PRKCB: variants seen among roughly 807,000 people sequenced by gnomAD.
PRKCB encodes the protein protein kinase C beta type.
PRKCB carries 13 observed loss-of-function variants against 81.5 expected under a neutral mutation model. The ratio of observed to expected loss-of-function variants is 0.16; its 90% CI spans 0.10 to 0.25. The LOEUF (loss-of-function observed/expected upper bound fraction) is 0.25. Ranked by LOEUF, PRKCB falls within the 10% of genes least tolerant of loss-of-function variation. The probability of loss-of-function intolerance (pLI) is 1.00; values close to 1 mark genes in which losing one functional copy is unlikely to be tolerated. For synonymous variants in PRKCB, 335 were observed against 321.4 expected, an observed-to-expected ratio of 1.04 and a Z score of -0.45; for missense variants, 509 against 875.7, an observed-to-expected ratio of 0.58 and a Z score of 5.29.
chr16:23,919,607 TA>T, intron 2 of PRKCB, among the ~76,000 whole-genome samples: 1 of 152,332 alleles, frequency 6.6e-6, no homozygotes, highest in Admixed American at 6.5e-5. Flanking sequence ...AGAACTTCTT[TA>T]TCTTGCAAAA....
At chr16:23,959,804 G>A (rs190700403) in intron 2 of PRKCB, among the ~76,000 whole-genome samples, 5 of 152,278 alleles carry the variant, frequency 3.3e-5, no homozygotes, top group East Asian at 1.9e-4. Flanking sequence ...TGCAGGTGCT[G>A]GGCTAAGTGT....
At chr16:23,975,856 C>G (rs1407937105) in intron 2 of PRKCB, among the ~76,000 whole-genome samples, 1 of 150,482 alleles carries the variant, frequency 6.6e-6, no homozygotes, top group Non-Finnish European at 1.5e-5. Context: ...CCTTTGGTCA[C>G]AAGAGACAAA....
intron 2 of PRKCB, among the ~76,000 whole-genome samples, chr16:23,839,875 T>C (rs538791219): frequency 1.3e-5 from 2 of 152,282 alleles, no homozygotes; most frequent in East Asian, 1.9e-4. Flanking sequence ...CTTATGATTG[T>C]CCCCAGACTA....
intron 9 of PRKCB, among the ~76,000 whole-genome samples, chr16:24,137,855 A>G (rs544183437): frequency 6.6e-6 from 1 of 152,286 alleles, no homozygotes; most frequent in East Asian, 1.9e-4. Flanking sequence ...GATGGTACCT[A>G]TGATTATTCA....
chr16:23,837,157 G>A, intron 1 of PRKCB: 3 of 636,752 alleles, frequency 4.7e-6, no homozygotes, highest in South Asian at 1.7e-5. Context: ...CCTGGTGGTC[G>A]CAGCCTCCTC....
chr16:24,086,673 G>T (rs1171461654), intron 5 of PRKCB, among the ~76,000 whole-genome samples: 2 of 152,146 alleles, frequency 1.3e-5, no homozygotes, highest in East Asian at 1.9e-4. Context: ...ATTAATACAA[G>T]AATACATTCT....
At chr16:23,850,406 C>T (rs777780820) in intron 2 of PRKCB, among the ~76,000 whole-genome samples, 4 of 152,010 alleles carry the variant, frequency 2.6e-5, no homozygotes, top group Non-Finnish European at 5.9e-5. Flanking sequence ...GCTCTTGTTG[C>T]CCAGGCTGGA....
chr16:23,964,384 G>A (rs8057328), intron 2 of PRKCB, among the ~76,000 whole-genome samples: 6,560 of 152,258 alleles, frequency 0.043, 405 homozygotes, highest in African/African-American at 0.13. Context: ...CTGCCTTTGC[G>A]CTACAAGGAT....
intron 5 of PRKCB, among the ~76,000 whole-genome samples, chr16:24,065,360 GTATTGTTTT>G (rs1249486584): frequency 1.3e-5 from 2 of 151,584 alleles, no homozygotes; most frequent in African/African-American, 2.4e-5. Flanking sequence ...AATTAGTCAT[GTATTGTTTT>G]TATTATTTTT....
At chr16:23,898,442 G>C (rs758421751) in intron 2 of PRKCB, among the ~76,000 whole-genome samples, 2 of 152,042 alleles carry the variant, frequency 1.3e-5, no homozygotes, top group Non-Finnish European at 2.9e-5. Context: ...CAGTAAATTA[G>C]ACAATCCTCC....
Position 24,128,115 on chromosome 16 carries a change from G to A in PRKCB, c.1065+4134G>A, listed in dbSNP as rs746929590. On this transcript the variant is annotated intron_variant, in intron 9 of 16. Transcript: ENST00000643927. ...CTAATGGCCAGGTGCGGTGGTTTGC[G>A]CCTGTAATCCCAGCACTTTGGGAGG... Among the ~76,000 whole-genome samples, 16 of 144,602 alleles carry A rather than the reference G, an allele frequency of 1.1e-4. No individual in the cohort carries two copies. The South Asian group carries it at 1.6e-3, about 14-fold the overall frequency. 94.9% of individuals were successfully genotyped at this position (144,602 alleles called of 152,430 possible). A position where few individuals can be genotyped will look rare whatever the true frequency, so the allele number is the denominator to read the frequency against.
chr16:23,939,619 A>G (rs1163155151), intron 2 of PRKCB, among the ~76,000 whole-genome samples: 1 of 152,232 alleles, frequency 6.6e-6, no homozygotes, highest in Admixed American at 6.5e-5. Context: ...TGAATTTTCA[A>G]CACATAGTGC....
intron 3 of PRKCB, among the ~76,000 whole-genome samples, chr16:23,990,985 G>A (rs1964879849): frequency 6.6e-6 from 1 of 152,138 alleles, no homozygotes; most frequent in African/African-American, 2.4e-5. Flanking sequence ...CTCTTACTTT[G>A]TTTCTGCTTT....
At chr16:23,868,750 G>A (rs1962851025) in intron 2 of PRKCB, among the ~76,000 whole-genome samples, 1 of 152,196 alleles carries the variant, frequency 6.6e-6, no homozygotes, top group Admixed American at 6.5e-5. Context: ...TGACATGAAT[G>A]GCTTGTGGGG....
chr16:24,132,532 A>G (rs1419127140), intron 9 of PRKCB, among the ~76,000 whole-genome samples: 1 of 152,192 alleles, frequency 6.6e-6, no homozygotes, highest in Non-Finnish European at 1.5e-5. Flanking sequence ...AGTGATGGTG[A>G]CGACGAAGAT....
At chr16:23,843,988 CAT>C (rs1284509874) in intron 2 of PRKCB, among the ~76,000 whole-genome samples, 9 of 152,274 alleles carry the variant, frequency 5.9e-5, no homozygotes, top group Admixed American at 5.2e-4. Context: ...TATACACACA[CAT>C]ATATGTAAGT....
chr16:24,136,625 T>C (rs1966865747), intron 9 of PRKCB, among the ~76,000 whole-genome samples: 1 of 152,118 alleles, frequency 6.6e-6, no homozygotes, highest in African/African-American at 2.4e-5. Context: ...TAGAATATCC[T>C]AGGAATCTAA....
At chr16:24,027,342 G>A (rs1965494514) in intron 3 of PRKCB, among the ~76,000 whole-genome samples, 1 of 152,220 alleles carries the variant, frequency 6.6e-6, no homozygotes, top group African/African-American at 2.4e-5. Context: ...GAACTGTTCT[G>A]TGGCACAGAG....
chr16:23,864,484 A>G (rs1962737941), intron 2 of PRKCB, among the ~76,000 whole-genome samples: 2 of 152,244 alleles, frequency 1.3e-5, no homozygotes, highest in African/African-American at 4.8e-5. Flanking sequence ...TAGGCAAGAT[A>G]GCCCTTGCTC....
Sources: gnomAD v4.1 joint callset for allele counts (sites outside exome capture counted in the v4.1 genomes callset) on GRCh38, gnomAD v4.1.1 for gene constraint, MANE v1.5 for transcripts, NCBI Gene and HGNC (gene_info 2026-07-23, HGNC 2026-07-21) for gene names.